The following FBXW12 variants were observed in gnomAD, a reference collection of about 807,000 sequenced individuals.
FBXW12 encodes the protein F-box and WD repeat domain containing 12, also known as F-box/WD repeat-containing protein 12.
In FBXW12, 43 loss-of-function variants were observed where a neutral mutation model predicts 55.3. The observed-to-expected ratio is 0.78, with a 90% CI of 0.61 to 1.00. The LOEUF is 1.00. FBXW12 is among the 50% of genes least tolerant of loss of function. The pLI, the probability that FBXW12 is intolerant of heterozygous loss-of-function variation, is 0.00. For synonymous variants in FBXW12, 184 were observed against 203.8 expected, an observed-to-expected ratio of 0.90 and a Z score of 0.83; for missense variants, 524 against 560.5, an observed-to-expected ratio of 0.93 and a Z score of 0.66.
chr3:48,374,396 C>T (rs891503965), intron 4 of FBXW12, among the ~76,000 whole-genome samples: 5 of 150,526 alleles, frequency 3.3e-5, no homozygotes, highest in East Asian at 2.0e-4. Flanking sequence ...GGCACGATCT[C>T]GGCTCACTGC....
chr3:48,373,844 G>T, intron 4 of FBXW12, 139 bp downstream of exon 4: 2 of 742,140 alleles, frequency 2.7e-6, no homozygotes, highest in East Asian at 2.6e-5. Flanking sequence ...CTGGGTTGCC[G>T]TGATAGCCAT....
At chr3:48,386,490 A>G (rs1222550077) in intron 10 of FBXW12, among the ~76,000 whole-genome samples, 1 of 152,156 alleles carries the variant, frequency 6.6e-6, no homozygotes, top group Non-Finnish European at 1.5e-5. Flanking sequence ...GTGGTTCCAT[A>G]GTCATTTTAG....
rs763230174 is a variant in FBXW12, at chr3:48,372,312, G to A, written c.-93G>A. The A allele has an allele frequency of 1.3e-6, 2 of 1,552,286 alleles. No individual in the cohort carries two copies. The highest frequency in any genetic ancestry group is 1.2e-5 in the South Asian group (1 of 84,066). On this transcript the variant is annotated 5_prime_UTR_variant, in exon 1 of 11. Transcript: ENST00000296438. ...GATGAGCCCCACTCACCAGATTCAAGATCCCAAGGTAGGCACAGACACAGG... is the reference window on the plus strand; with the variant it reads ...GATGAGCCCCACTCACCAGATTCAAAATCCCAAGGTAGGCACAGACACAGG...
At chr3:48,375,511 T>C in intron 5 of FBXW12, 39 bp downstream of exon 5, 1 of 1,207,938 alleles carries the variant, frequency 8.3e-7, no homozygotes, top group Non-Finnish European at 1.2e-6. Context: ...ACTGCATATT[T>C]GCATCCATCC....
chr3:48,378,265 C>G, intron 5 of FBXW12, 52 bp from the exon 6 acceptor site: 1 of 1,359,524 alleles, frequency 7.4e-7, no homozygotes, highest in Non-Finnish European at 1.1e-6. Flanking sequence ...AATGAAAGCA[C>G]AGTAGGTGTA....
In FBXW12 at chr3:48,380,819, A is replaced by G. The variant is rs1037871547; in HGVS notation, c.892A>G (p.Thr298Ala). The change falls in exon 8 of 11, where the codon ACA becomes GCA. Residue 298 changes from threonine to alanine, a missense_variant. By Grantham distance (58) the Thr-to-Ala change is moderately conservative. Transcript: ENST00000296438. ...GACCCCAAAGGTGAAAAACAGGATA[A>G]CACTGATGTCCCAAAGTAGCACTGG... ...CWTPKVKNRITLMSQSSTGKK... is the reference protein window; with the variant it reads ...CWTPKVKNRIALMSQSSTGKK... 1.2e-6 allele frequency: 2 copies of G among 1,614,068 alleles called. No individual in the cohort carries two copies. The highest frequency in any genetic ancestry group is 1.7e-5 in the Admixed American group (1 of 60,006).
At position 48,378,475 on chromosome 3, in the gene FBXW12, G is replaced by A. The variant is rs1163003901; in HGVS notation, c.564G>A (p.Gln188=). ...RDALAVLPMP[Q]PCYCMEAYLT... The stretch of plus-strand genomic sequence containing the variant: ...CTCTGGCTGTTCTCCCCATGCCACA[G>A]CCCTGTTATTGCATGGAAGCCTATC... The change falls in exon 6 of 11, where the codon CAG becomes CAA. Residue 188 remains glutamine (Q), a synonymous_variant. Coordinates refer to ENST00000296438, the MANE Select transcript of FBXW12 (RefSeq NM_207102.2). 1 of 1,614,014 alleles carries A rather than the reference G, an allele frequency of 6.2e-7. No homozygotes were observed. The highest frequency in any genetic ancestry group is 8.5e-7 in the Non-Finnish European group (1 of 1,180,034).
chr3:48,390,128 A>T (rs1312871100), intron 10 of FBXW12, among the ~76,000 whole-genome samples: 1 of 152,168 alleles, frequency 6.6e-6, no homozygotes, highest in African/African-American at 2.4e-5. Flanking sequence ...CCTATAGTAT[A>T]GTTTGAAGTC....
chr3:48,375,603 A>G (rs1367839227), intron 5 of FBXW12, 131 bp downstream of exon 5: 6 of 624,824 alleles, frequency 9.6e-6, no homozygotes, highest in Non-Finnish European at 1.7e-5. Flanking sequence ...CAGGTTTTCT[A>G]TCATGTAATT....
chr3:48,381,275 G>A (rs935761514), intron 8 of FBXW12, among the ~76,000 whole-genome samples: 1 of 152,056 alleles, frequency 6.6e-6, no homozygotes, highest in Non-Finnish European at 1.5e-5. Flanking sequence ...GCCTGCCTCG[G>A]CCTCCCAAAG....
chr3:48,378,580 G>C, intron 6 of FBXW12, 54 bp downstream of exon 6: 1 of 1,308,730 alleles, frequency 7.6e-7, no homozygotes, highest in South Asian at 1.2e-5. Context: ...CTGTTGTCTT[G>C]TCAGGCATCC....
intron 10 of FBXW12, among the ~76,000 whole-genome samples, chr3:48,392,397 G>A (rs1162842919): frequency 7.1e-6 from 1 of 141,552 alleles, no homozygotes; most frequent in Non-Finnish European, 1.5e-5. Flanking sequence ...CTTGCAGTGA[G>A]CTGAGATTGT....
chr3:48,379,793 G>C (rs2107160042), intron 7 of FBXW12: 1 of 479,292 alleles, frequency 2.1e-6, no homozygotes, highest in Non-Finnish European at 3.8e-6. Flanking sequence ...ATTTGCCAAA[G>C]AGATGGAAGA....
intron 6 of FBXW12, among the ~76,000 whole-genome samples, 178 bp from the exon 7 acceptor site, chr3:48,379,222 A>G (rs1315371762): frequency 2.6e-5 from 4 of 152,210 alleles, no homozygotes; most frequent in Admixed American, 6.5e-5. Context: ...GGGCTTGGAA[A>G]GTTTTATTCC....
At chr3:48,380,576 C>G (rs1322447021) in intron 7 of FBXW12, 126 bp from the exon 8 acceptor site, 3 of 692,896 alleles carry the variant, frequency 4.3e-6, no homozygotes, top group African/African-American at 3.5e-5. Context: ...ACTCATCACT[C>G]CTGAGATATT....
At chr3:48,384,084 C>T (rs577796951) in intron 10 of FBXW12, among the ~76,000 whole-genome samples, 259 of 152,204 alleles carry the variant, frequency 1.7e-3, no homozygotes, top group Non-Finnish European at 3.2e-3. Context: ...TAAATTTTTA[C>T]AAAAATTCTG....
chr3:48,378,177 A>T, intron 5 of FBXW12, 140 bp from the exon 6 acceptor site: 1 of 648,796 alleles, frequency 1.5e-6, no homozygotes, highest in Non-Finnish European at 2.7e-6. Context: ...AAATATTGAG[A>T]TGTGGAGAAC....
chr3:48,378,495 C>A lies in FBXW12; in HGVS notation c.584C>A (p.Ala195Asp), dbSNP rs950629854. 5 of 1,613,902 alleles carry A rather than the reference C, an allele frequency of 3.1e-6. No individual in the cohort carries two copies. The highest frequency in any genetic ancestry group is 4.5e-5 in the East Asian group (2 of 44,898). The change falls in exon 6 of 11, where the codon GCC (alanine) becomes GAC (aspartate). Residue 195 changes from alanine (A) to aspartate (D), a missense_variant. Physicochemically the swap from Ala to Asp is moderately radical, Grantham distance 126 (BLOSUM62 -2). Coordinates refer to ENST00000296438, the MANE Select transcript of FBXW12 (RefSeq NM_207102.2). ...PMPQPCYCME[A>D]YLTKDGPFLM... ...CCACAGCCCTGTTATTGCATGGAAG[C>A]CTATCTTACAAAGGATGGCCCATTC... is the stretch of plus-strand genomic sequence containing the variant.
Position 48,373,637 on chromosome 3 carries a change from G to T in FBXW12, c.218G>T (p.Arg73Ile), listed in dbSNP as rs1033038632. 1.2e-6 allele frequency: 2 copies of T among 1,614,154 alleles called. No individual in the cohort carries two copies. Among genetic ancestry groups the T allele is most frequent in the Non-Finnish European group, 8.5e-7 (1 of 1,180,034 alleles). Residue 73 changes from arginine (R) to isoleucine (I), a missense_variant, in exon 4 of 11, where the codon AGA becomes ATA. By Grantham distance (97) the Arg-to-Ile change is moderately conservative. Transcript: ENST00000296438. ...TGGAAGCAATTTTTCCTGCATCAAA[G>T]AAGGAAGGAGCTTCGGTTGGCATTG... ...HTWKQFFLHQ[R>I]RKELRLALAQ...
Sources: gnomAD v4.1 joint callset for allele counts (sites outside exome capture counted in the v4.1 genomes callset) on GRCh38, gnomAD v4.1.1 for gene constraint, MANE v1.5 for transcripts, NCBI Gene and HGNC (gene_info 2026-07-23, HGNC 2026-07-21) for gene names.